CD96: variants seen among roughly 807,000 people sequenced by gnomAD.
CD96 encodes the protein T-cell surface protein tactile.
A neutral mutation model predicts 71.3 loss-of-function variants in CD96; 70 were observed. That is an observed-to-expected ratio of 0.98 (90% confidence interval 0.81 to 1.20). CD96 has a LOEUF of 1.20. Among genes scored for constraint, CD96 ranks in the 50% most tolerant of loss-of-function variants. The pLI is 0.00. For synonymous variants in CD96, 248 were observed against 233.0 expected (o/e 1.06, Z -0.59); for missense variants, 742 against 677.5 (o/e 1.10, Z -1.06).
At chr3:111,608,076 T>C (rs1937713030) in intron 8 of CD96, among the ~76,000 whole-genome samples, 1 of 152,204 alleles carries the variant, frequency 6.6e-6, no homozygotes, top group Non-Finnish European at 1.5e-5. Flanking sequence ...GGTGCTAACC[T>C]GGGTTCTTTC....
chr3:111,618,873 G>A (rs553180550), intron 8 of CD96, among the ~76,000 whole-genome samples: 13 of 151,902 alleles, frequency 8.6e-5, no homozygotes, highest in South Asian at 8.3e-4. Flanking sequence ...GCCCGGCCTC[G>A]CTTTTTTTTT....
intron 10 of CD96, among the ~76,000 whole-genome samples, chr3:111,632,792 A>G (rs1446823772): frequency 6.6e-6 from 1 of 152,228 alleles, no homozygotes; most frequent in African/African-American, 2.4e-5. Flanking sequence ...TACAGTCATA[A>G]AAAGGAATGA....
intron 8 of CD96, among the ~76,000 whole-genome samples, chr3:111,621,774 C>T (rs1373251422): frequency 5.3e-5 from 8 of 152,090 alleles, no homozygotes; most frequent in Admixed American, 5.2e-4. Flanking sequence ...TGAACAATGG[C>T]GACCCCTCCC....
chr3:111,574,605 C>T (rs1331825138), intron 3 of CD96, among the ~76,000 whole-genome samples: 1 of 152,120 alleles, frequency 6.6e-6, no homozygotes, highest in East Asian at 1.9e-4. Context: ...AGATCCCTTT[C>T]AGCAGTTATC....
rs573604364 is a variant in CD96, at chr3:111,545,222, G to T, written c.238G>T (p.Ala80Ser). 15 of 1,614,178 alleles carry T rather than the reference G, an allele frequency of 9.3e-6. No homozygotes were observed. In the East Asian group the frequency reaches 2.5e-4, roughly 26 times the overall value. The change falls in exon 2 of 14, where the codon GCC (alanine) becomes TCC (serine). Residue 80 changes from alanine (A) to serine (S), a missense_variant. Physicochemically the swap from Ala to Ser is moderately conservative, Grantham distance 99. Transcript: ENST00000352690. The stretch of plus-strand genomic sequence containing the variant: ...TCATCCCCAATACGGCTTCTACTGT[G>T]CCTATGGGAGACCCTGTGAGTCACT... ...VYHPQYGFYC[A>S]YGRPCESLVT...
chr3:111,578,153 C>T (rs965642755), intron 3 of CD96, among the ~76,000 whole-genome samples: 3 of 152,120 alleles, frequency 2.0e-5, no homozygotes, highest in Admixed American at 6.6e-5. Context: ...TACCCTTGTG[C>T]CCGTCAAGAA....
intron 8 of CD96, among the ~76,000 whole-genome samples, chr3:111,617,195 G>A (rs528474015): frequency 9.8e-5 from 15 of 152,360 alleles, no homozygotes; most frequent in African/African-American, 3.6e-4. Flanking sequence ...AAACAGCCTG[G>A]GCTATGGAAG....
In CD96 at chr3:111,545,235, C is replaced by A; in HGVS notation, c.251C>A (p.Pro84His). ...GGCTTCTACTGTGCCTATGGGAGAC[C>A]CTGTGAGTCACTTGTGACTTTCACA... ...QYGFYCAYGR[P>H]CESLVTFTET... The change falls in exon 2 of 14, where the codon CCC becomes CAC. Residue 84 changes from proline (P) to histidine (H), a missense_variant. Physicochemically the swap from Pro to His is moderately conservative, Grantham distance 77. Coordinates refer to ENST00000352690, the MANE Select transcript of CD96 (RefSeq NM_005816.5). The A allele has an allele frequency of 6.2e-7, 1 of 1,614,156 alleles. No individual in the cohort carries two copies. Among genetic ancestry groups the A allele is most frequent in the Non-Finnish European group, 8.5e-7 (1 of 1,180,020 alleles).
intron 3 of CD96, chr3:111,577,545 T>A (rs1197744131): frequency 1.3e-6 from 2 of 1,590,974 alleles, no homozygotes; most frequent in Admixed American, 1.7e-5. Context: ...TCTAAGGGTA[T>A]AAAGGTATGT....
intron 3 of CD96, among the ~76,000 whole-genome samples, chr3:111,570,057 G>T (rs192047494): frequency 6.6e-6 from 1 of 152,146 alleles, no homozygotes; most frequent in East Asian, 2.0e-4. Flanking sequence ...TTGGGGTGGG[G>T]GTGGGGGCTC....
At chr3:111,543,016 G>A (rs988029791) in intron 1 of CD96, among the ~76,000 whole-genome samples, 4 of 152,134 alleles carry the variant, frequency 2.6e-5, no homozygotes, top group Non-Finnish European at 5.9e-5. Context: ...AATCAAAAGA[G>A]ATTTGGAATA....
At chr3:111,576,101 T>C (rs1412664452) in intron 3 of CD96, among the ~76,000 whole-genome samples, 1 of 152,190 alleles carries the variant, frequency 6.6e-6, no homozygotes, top group Non-Finnish European at 1.5e-5. Context: ...AGTAAGTATA[T>C]CATATATGTT....
At chr3:111,568,832 T>G (rs1935843329) in intron 3 of CD96, among the ~76,000 whole-genome samples, 1 of 152,158 alleles carries the variant, frequency 6.6e-6, no homozygotes, top group South Asian at 2.1e-4. Flanking sequence ...TACTAACCAG[T>G]GTATACAGTA....
At chr3:111,644,736 T>C (rs936730894) in intron 12 of CD96, among the ~76,000 whole-genome samples, 4 of 152,048 alleles carry the variant, frequency 2.6e-5, no homozygotes, top group African/African-American at 9.7e-5. Flanking sequence ...CAAAAGAAGA[T>C]ATACAAATGG....
At chr3:111,657,220 C>G (rs998062155), downstream of CD96, among the ~76,000 whole-genome samples, 18 of 151,736 alleles carry the variant, frequency 1.2e-4, no homozygotes, top group African/African-American at 3.1e-4. Flanking sequence ...GAGTTTGAGA[C>G]CAGCCTGGCC....
intron 2 of CD96, among the ~76,000 whole-genome samples, chr3:111,551,899 A>T (rs1256142820): frequency 6.6e-6 from 1 of 152,118 alleles, no homozygotes; most frequent in Non-Finnish European, 1.5e-5. Context: ...GGCTGAACTA[A>T]TTTACACTCC....
intron 10 of CD96, among the ~76,000 whole-genome samples, chr3:111,626,754 A>G (rs909066986): frequency 6.6e-6 from 1 of 152,216 alleles, no homozygotes; most frequent in South Asian, 2.1e-4. Context: ...GCAATGAAAA[A>G]CAAGTGAATG....
chr3:111,617,753 C>G (rs969462064), intron 8 of CD96, among the ~76,000 whole-genome samples: 1 of 152,204 alleles, frequency 6.6e-6, no homozygotes, highest in Non-Finnish European at 1.5e-5. Flanking sequence ...AACTTGGGAC[C>G]TACTGAATGG....
intron 4 of CD96, among the ~76,000 whole-genome samples, chr3:111,582,096 T>A (rs1936492929): frequency 6.6e-6 from 1 of 152,230 alleles, no homozygotes; most frequent in African/African-American, 2.4e-5. Flanking sequence ...CACTATTAAC[T>A]CTCTGGGACT....
Sources: allele counts gnomAD v4.1 joint callset (sites outside exome capture counted in the v4.1 genomes callset), GRCh38; gene constraint gnomAD v4.1.1; transcripts MANE v1.5; gene names NCBI Gene and HGNC (gene_info 2026-07-23, HGNC 2026-07-21).